The following HS6ST2 variants were observed in gnomAD, a reference collection of about 807,000 sequenced individuals.
HS6ST2 encodes the protein heparan-sulfate 6-O-sulfotransferase 2.
Under a neutral mutation model 33.0 loss-of-function variants are expected in HS6ST2, and 17 were observed. That is an observed-to-expected ratio of 0.52 (90% CI 0.35 to 0.77). The LOEUF (loss-of-function observed/expected upper bound fraction) is 0.77, where lower values mean the gene tolerates loss of function less well. HS6ST2 is among the 30% of genes least tolerant of loss of function. The pLI, the probability that HS6ST2 is intolerant of heterozygous loss-of-function variation, is 0.01. For missense variants in HS6ST2, 519 were observed against 551.7 expected (o/e 0.94, Z 0.59); for synonymous variants, 248 against 237.1 (o/e 1.05, Z -0.42).
At chrX:132,771,533 C>G (rs1286203611) in intron 2 of HS6ST2, among the ~76,000 whole-genome samples, 3 of 111,415 alleles carry the variant, frequency 2.7e-5, no homozygotes, top group African/African-American at 9.8e-5. Context: ...TTGAAACCCC[C>G]CTTTGTGTTC....
In HS6ST2 at chrX:132,664,764, G is replaced by A. The variant is rs768408027; in HGVS notation, c.1067+4349C>T. 1.3e-3 allele frequency among the ~76,000 whole-genome samples: 144 copies of A among 112,012 alleles called. 1 individual carries two copies. Among genetic ancestry groups the A allele is most frequent in the African/African-American group, 4.3e-3 (134 of 30,807 alleles). On this transcript the variant is annotated intron_variant, in intron 4 of 4. Coordinates refer to ENST00000370833, the MANE Select transcript of HS6ST2 (RefSeq NM_001394073.1). ...CTTGGTCCTTGTTATTCCCTAGCCT[G>A]AGCCTATGTGAAAAACATCTCAGAC...
At chrX:132,667,179 G>T (rs2063816117) in intron 4 of HS6ST2, among the ~76,000 whole-genome samples, 1 of 111,881 alleles carries the variant, frequency 8.9e-6, no homozygotes, top group African/African-American at 3.2e-5. Flanking sequence ...AAAATCTCCT[G>T]AAAACTGATG....
intron 2 of HS6ST2, among the ~76,000 whole-genome samples, chrX:132,820,299 G>C (rs1282613671): frequency 9.0e-6 from 1 of 111,198 alleles, no homozygotes; most frequent in Non-Finnish European, 1.9e-5. Flanking sequence ...ATAGACAGAT[G>C]AAAGACCCTA....
chrX:132,780,633 C>T lies in HS6ST2; in HGVS notation c.948-72139G>A, dbSNP rs781430890. On this transcript the variant is annotated intron_variant, in intron 2 of 4. Transcript: ENST00000370833. ...TCATTTTACTTGCCCAGCCTCAGTG[C>T]GCTCACTCATCTGTTACATGATGAA... 1.9e-4 allele frequency among the ~76,000 whole-genome samples: 21 copies of T among 111,502 alleles called. No individual in the cohort carries two copies. The South Asian group carries it at 3.5e-3, about 19-fold the overall frequency.
intron 2 of HS6ST2, among the ~76,000 whole-genome samples, chrX:132,842,932 G>A (rs946913210): frequency 8.9e-6 from 1 of 112,223 alleles, no homozygotes; most frequent in Admixed American, 9.4e-5. Flanking sequence ...CCAAGGAGCA[G>A]AGCCACCACA....
In HS6ST2 at chrX:132,628,920, G is replaced by A; in HGVS notation, c.1241C>T (p.Pro414Leu). 2 of 1,211,526 alleles carry A rather than the reference G, an allele frequency of 1.7e-6. No homozygotes were observed. The highest frequency in any genetic ancestry group is 2.2e-6 in the Non-Finnish European group (2 of 895,362). Residue 414 changes from proline to leucine, a missense_variant, in exon 5 of 5, where the codon CCC (proline) becomes CTC (leucine). Transcript: ENST00000370833. ...GGGACAGTCCATAAACTCTTTGAGG[G>A]GGCAGCCAGACCAGTCATCGCCAGT... ...CYTGDDWSGC[P>L]LKEFMDCPYN... is the part of the protein sequence containing the mutation.
rs898308193 is a variant in HS6ST2, at chrX:132,722,264, C to T, written c.948-13770G>A. ...CAAAACAGTAGAAGAAAAGAAATAA[C>T]GAAGATCAGAGCAGAAATAAATGCA... On this transcript the variant is annotated intron_variant, in intron 2 of 4. Transcript: ENST00000370833. 2.8e-5 allele frequency among the ~76,000 whole-genome samples: 3 copies of T among 105,367 alleles called. No homozygotes were observed. The South Asian group carries it at 1.2e-3, about 44-fold the overall frequency. The allele number at this position is 105,367 out of a possible 115,157, so 91.5% of individuals were successfully genotyped here.
At chrX:132,755,812 G>GTAT (rs947171304) in intron 2 of HS6ST2, among the ~76,000 whole-genome samples, 4 of 111,862 alleles carry the variant, frequency 3.6e-5, no homozygotes, top group Non-Finnish European at 7.5e-5. Context: ...GGCAACATAA[G>GTAT]TAGAAACTTC....
At chrX:132,639,682 T>C (rs1004213091) in intron 4 of HS6ST2, among the ~76,000 whole-genome samples, 2 of 111,840 alleles carry the variant, frequency 1.8e-5, no homozygotes, top group Non-Finnish European at 3.8e-5. Context: ...CCCTTGAGGA[T>C]TGGCATCTGG....
chrX:132,936,616 T>G (rs1448656675), intron 2 of HS6ST2, among the ~76,000 whole-genome samples: 1 of 111,612 alleles, frequency 9.0e-6, no homozygotes, highest in Non-Finnish European at 1.9e-5. Flanking sequence ...AACCAAATAT[T>G]GCATGTCCTT....
chrX:132,794,081 C>T (rs1300990523), intron 2 of HS6ST2, among the ~76,000 whole-genome samples: 1 of 112,776 alleles, frequency 8.9e-6, no homozygotes, highest in Non-Finnish European at 1.9e-5. Context: ...AAAGAATGCA[C>T]AATTTTGTCT....
chrX:132,836,714 C>T (rs1255902948), intron 2 of HS6ST2, among the ~76,000 whole-genome samples: 4 of 112,775 alleles, frequency 3.5e-5, no homozygotes, highest in Non-Finnish European at 7.5e-5. Flanking sequence ...TCTGTATCCT[C>T]TTTAACAACT....
chrX:132,854,413 C>T (rs1282740423), intron 2 of HS6ST2, among the ~76,000 whole-genome samples: 1 of 112,765 alleles, frequency 8.9e-6, no homozygotes, highest in Non-Finnish European at 1.9e-5. Flanking sequence ...CTGCTTCTAA[C>T]AAACAGCAGG....
Position 132,628,971 on chromosome X carries a change from G to T in HS6ST2, c.1190C>A (p.Thr397Asn). 1 of 1,210,399 alleles carries T rather than the reference G, an allele frequency of 8.3e-7. No individual in the cohort carries two copies. Among genetic ancestry groups the T allele is most frequent in the Non-Finnish European group, 1.1e-6 (1 of 894,873 alleles). ...GTAGCAGCTGGGCAGCTCTTCGGAG[G>T]TTGGAGGCCTTCCATCGCAGACATG... ...SLHVCDGRPP[T>N]SEELPSCYTG... is the part of the protein sequence containing the mutation. Residue 397 changes from threonine (T) to asparagine (N), a missense_variant, in exon 5 of 5, where the codon ACC becomes AAC. Transcript: ENST00000370833.
At chrX:132,638,542 G>A (rs1315914854) in intron 4 of HS6ST2, among the ~76,000 whole-genome samples, 1 of 112,257 alleles carries the variant, frequency 8.9e-6, no homozygotes, top group Non-Finnish European at 1.9e-5. Context: ...TGAGAAGAGT[G>A]AGCTGTTGCA....
intron 2 of HS6ST2, among the ~76,000 whole-genome samples, chrX:132,946,241 A>G (rs2066953900): frequency 8.9e-6 from 1 of 111,995 alleles, no homozygotes; most frequent in Non-Finnish European, 1.9e-5. Context: ...AGAACTAGAA[A>G]TACCGTTTGA....
At chrX:132,907,820 C>G (rs986116183) in intron 2 of HS6ST2, among the ~76,000 whole-genome samples, 1 of 112,329 alleles carries the variant, frequency 8.9e-6, no homozygotes, top group Non-Finnish European at 1.9e-5. Context: ...CAATAAAACT[C>G]TTAGAAGAAA....
chrX:132,890,991 A>G (rs183274018), intron 2 of HS6ST2, among the ~76,000 whole-genome samples: 2 of 111,897 alleles, frequency 1.8e-5, no homozygotes, highest in African/African-American at 3.2e-5. Context: ...TAAATTGCAT[A>G]TATTACTATG....
Position 132,727,129 on chromosome X carries a change from T to C in HS6ST2, c.948-18635A>G, listed in dbSNP as rs1458378160. 2.8e-5 allele frequency among the ~76,000 whole-genome samples: 3 copies of C among 108,602 alleles called. No individual in the cohort carries two copies. The East Asian group carries it at 8.6e-4, about 31-fold the overall frequency. 94.3% of individuals were successfully genotyped at this position (108,602 alleles called of 115,157 possible). On this transcript the variant is annotated intron_variant, in intron 2 of 4. Coordinates refer to ENST00000370833, the MANE Select transcript of HS6ST2 (RefSeq NM_001394073.1). ...TACTTTAAGGTTCATTTGAAATAAATAACCTTAAAAAAAAACTAAAACTAA... is the reference window on the plus strand; with the variant it reads ...TACTTTAAGGTTCATTTGAAATAAACAACCTTAAAAAAAAACTAAAACTAA...
Sources: gnomAD v4.1 joint callset for allele counts (sites outside exome capture counted in the v4.1 genomes callset) on GRCh38, gnomAD v4.1.1 for gene constraint, MANE v1.5 for transcripts, NCBI Gene and HGNC (gene_info 2026-07-23, HGNC 2026-07-21) for gene names.